The following CNTNAP5 variants were observed in gnomAD, a reference collection of about 807,000 sequenced individuals.
CNTNAP5 encodes the protein contactin associated protein family member 5, also known as contactin-associated protein-like 5.
Under a neutral mutation model 150.2 loss-of-function variants are expected in CNTNAP5, and 72 were observed. The observed-to-expected ratio is 0.48, with a 90% CI of 0.40 to 0.58. CNTNAP5 has a LOEUF of 0.58. Among genes scored for constraint, CNTNAP5 ranks in the 20% least tolerant of loss-of-function variants. The pLI is 0.00. For missense variants in CNTNAP5, 1,636 were observed against 1,626.2 expected, an observed-to-expected ratio of 1.01 and a Z score of -0.10; for synonymous variants, 672 against 619.8, an observed-to-expected ratio of 1.08 and a Z score of -1.25.
chr2:124,688,671 G>T (rs991808533), intron 13 of CNTNAP5, among the ~76,000 whole-genome samples: 1 of 152,072 alleles, frequency 6.6e-6, no homozygotes, highest in African/African-American at 2.4e-5. Flanking sequence ...GCAAGTGTCT[G>T]GGGAAGGGGA....
intron 17 of CNTNAP5, among the ~76,000 whole-genome samples, chr2:124,783,988 A>G (rs775105178): frequency 1.3e-5 from 2 of 152,198 alleles, no homozygotes; most frequent in Non-Finnish European, 2.9e-5. Context: ...AAAGAAGAAC[A>G]TAATTGATAG....
At chr2:124,597,610 CA>C (rs1216269898) in intron 11 of CNTNAP5, among the ~76,000 whole-genome samples, 2 of 150,178 alleles carry the variant, frequency 1.3e-5, no homozygotes, top group African/African-American at 4.9e-5. Flanking sequence ...GTGAATCTGA[CA>C]ATTATGTGTC....
intron 13 of CNTNAP5, among the ~76,000 whole-genome samples, 173 bp downstream of exon 13, chr2:124,648,131 C>T (rs984183967): frequency 1.3e-5 from 2 of 152,160 alleles, no homozygotes; most frequent in African/African-American, 4.8e-5. Flanking sequence ...CTCTGAAATT[C>T]AGCATGGAAG....
chr2:124,651,935 T>C (rs1678331842), intron 13 of CNTNAP5, among the ~76,000 whole-genome samples: 1 of 152,152 alleles, frequency 6.6e-6, no homozygotes, highest in African/African-American at 2.4e-5. Context: ...CTGCCTGCTC[T>C]CGGCTCCAGC....
chr2:124,869,565 G>C (rs1677701537), intron 20 of CNTNAP5, 110 bp from the exon 21 acceptor site: 1 of 663,234 alleles, frequency 1.5e-6, no homozygotes. Context: ...ATCTCAGAGG[G>C]GGGTCTGCTA....
intron 1 of CNTNAP5, among the ~76,000 whole-genome samples, chr2:124,155,154 G>A (rs955094158): frequency 7.7e-6 from 1 of 129,710 alleles, no homozygotes; most frequent in Admixed American, 9.3e-5. Flanking sequence ...ACCTGCTTCT[G>A]TACCTTCCAT....
At chr2:124,145,812 T>TAAAAAAA in intron 1 of CNTNAP5, among the ~76,000 whole-genome samples, 79 of 64,156 alleles carry the variant, frequency 1.2e-3, no homozygotes, top group Middle Eastern at 0.016. Flanking sequence ...AAAAAAACAT[T>TAAAAAAA]AAAAAAAAAA....
intron 1 of CNTNAP5, among the ~76,000 whole-genome samples, chr2:124,172,794 T>C (rs914313521): frequency 6.6e-6 from 1 of 152,084 alleles, no homozygotes; most frequent in African/African-American, 2.4e-5. Flanking sequence ...TGTGTGTGTG[T>C]GTGTGTGTAC....
chr2:124,296,805 C>A (rs1688442269), intron 3 of CNTNAP5, among the ~76,000 whole-genome samples: 2 of 152,284 alleles, frequency 1.3e-5, no homozygotes, highest in South Asian at 4.1e-4. Flanking sequence ...ATCCAATGTG[C>A]AAAAATAGAA....
At chr2:124,188,031 TCAGA>T (rs1195620011) in intron 1 of CNTNAP5, among the ~76,000 whole-genome samples, 7 of 152,138 alleles carry the variant, frequency 4.6e-5, no homozygotes, top group Admixed American at 3.3e-4. Context: ...TCTGGTGGTA[TCAGA>T]CAAAGTGTGC....
chr2:124,830,554 A>G (rs1682692678), intron 19 of CNTNAP5, among the ~76,000 whole-genome samples: 2 of 152,054 alleles, frequency 1.3e-5, no homozygotes, highest in Non-Finnish European at 2.9e-5. Context: ...AATGTACACT[A>G]TATAATAGAG....
chr2:124,722,306 C>T (rs2105117439), intron 13 of CNTNAP5, among the ~76,000 whole-genome samples: 1 of 152,174 alleles, frequency 6.6e-6, no homozygotes, highest in South Asian at 2.1e-4. Context: ...ATCATTTAAA[C>T]TAAGTGTGAG....
At chr2:124,137,391 A>G (rs1436471016) in intron 1 of CNTNAP5, among the ~76,000 whole-genome samples, 1 of 152,136 alleles carries the variant, frequency 6.6e-6, no homozygotes, top group Non-Finnish European at 1.5e-5. Context: ...AAAATCCTCA[A>G]TTTTGTCTGG....
At chr2:124,316,370 A>G (rs1445781963) in intron 3 of CNTNAP5, among the ~76,000 whole-genome samples, 1 of 152,188 alleles carries the variant, frequency 6.6e-6, no homozygotes, top group East Asian at 1.9e-4. Context: ...CTTTAACTCA[A>G]TTAGCACATG....
chr2:124,322,662 AG>A (rs1689127551), intron 3 of CNTNAP5, among the ~76,000 whole-genome samples: 1 of 152,206 alleles, frequency 6.6e-6, no homozygotes, highest in Non-Finnish European at 1.5e-5. Context: ...GTATAGTCTC[AG>A]CTGAAAATTG....
chr2:124,614,682 G>T (rs552844188), intron 12 of CNTNAP5, among the ~76,000 whole-genome samples: 4 of 152,222 alleles, frequency 2.6e-5, no homozygotes, highest in African/African-American at 9.6e-5. Flanking sequence ...GAGCAGTGAG[G>T]ATGACCAGAG....
intron 19 of CNTNAP5, 92 bp from the exon 20 acceptor site, chr2:124,865,214 G>A: frequency 1.0e-6 from 1 of 974,552 alleles, no homozygotes; most frequent in Admixed American, 2.7e-5. Context: ...AAGACCTGGG[G>A]CCCTAATAAT....
intron 3 of CNTNAP5, among the ~76,000 whole-genome samples, chr2:124,413,432 G>A (rs1428738151): frequency 2.2e-5 from 3 of 138,226 alleles, no homozygotes; most frequent in South Asian, 2.4e-4. Flanking sequence ...ACATGCACAC[G>A]TATGTTTATT....
At chr2:124,843,779 A>C (rs1272035118) in intron 19 of CNTNAP5, among the ~76,000 whole-genome samples, 3 of 151,992 alleles carry the variant, frequency 2.0e-5, no homozygotes, top group African/African-American at 7.2e-5. Context: ...AGTTTTCTAT[A>C]TGCTTTTTGT....
Sources: allele counts gnomAD v4.1 joint callset (sites outside exome capture counted in the v4.1 genomes callset), GRCh38; gene constraint gnomAD v4.1.1; transcripts MANE v1.5; gene names NCBI Gene and HGNC (gene_info 2026-07-23, HGNC 2026-07-21).